The following TNKS2 variants were observed in gnomAD, a reference collection of about 807,000 sequenced individuals.
TNKS2 encodes poly [ADP-ribose] polymerase tankyrase-2.
Under a neutral mutation model 137.6 loss-of-function variants are expected in TNKS2, and 72 were observed. The observed-to-expected ratio is 0.52, with a 90% CI of 0.43 to 0.64. The LOEUF (loss-of-function observed/expected upper bound fraction) is 0.64, where lower values mean the gene tolerates loss of function less well. TNKS2 is among the 30% of genes least tolerant of loss of function. TNKS2 has a pLI of 0.00. For synonymous variants in TNKS2, 516 were observed against 512.1 expected, an observed-to-expected ratio of 1.01 and a Z score of -0.10; for missense variants, 1,049 against 1,410.2, an observed-to-expected ratio of 0.74 and a Z score of 4.10.
In TNKS2 at chr10:91,847,508, G is replaced by A. The variant is rs549361398; in HGVS notation, c.2359-875G>A. On this transcript the variant is annotated intron_variant, in intron 18 of 26. Coordinates refer to ENST00000371627, the MANE Select transcript of TNKS2 (RefSeq NM_025235.4). ...GCCTCCCGAGTAGCTGGAATTACAG[G>A]CATGCGCCACCACACCCAGCTAATA... Among the ~76,000 whole-genome samples, 425 of 152,194 alleles carry A rather than the reference G, an allele frequency of 2.8e-3. 2 individuals are homozygous for A. The highest frequency in any genetic ancestry group is 0.01 in the Middle Eastern group (3 of 294).
Position 91,862,128 on chromosome 10 carries a change from T to A in TNKS2, c.3411T>A (p.Ala1137=). Residue 1137 remains alanine, a synonymous_variant, in exon 26 of 27, where the codon GCT becomes GCA. Transcript: ENST00000371627. The part of the protein sequence containing the change: ...GRPSVNGLAL[A]EYVIYRGEQA... ...CCAGTGTAAATGGCCTAGCATTAGC[T>A]GAATATGTTATTTACAGAGGAGAAC... 1.2e-6 allele frequency: 2 copies of A among 1,609,358 alleles called. No homozygotes were observed. Among genetic ancestry groups the A allele is most frequent in the Non-Finnish European group, 1.7e-6 (2 of 1,177,882 alleles).
At chr10:91,844,809 T>C (rs986741329) in intron 16 of TNKS2, 110 bp from the exon 17 acceptor site, 4 of 625,050 alleles carry the variant, frequency 6.4e-6, no homozygotes, top group African/African-American at 5.5e-5. Context: ...TAAATACATA[T>C]ATATATGTAT....
chr10:91,827,418 A>G (rs1295980008), intron 8 of TNKS2, among the ~76,000 whole-genome samples: 5 of 152,150 alleles, frequency 3.3e-5, no homozygotes, highest in Admixed American at 1.3e-4. Flanking sequence ...AAGTCAAGTT[A>G]TATGCTTTTT....
At chr10:91,844,764 T>C (rs1233094621) in intron 16 of TNKS2, among the ~76,000 whole-genome samples, 155 bp from the exon 17 acceptor site, 2 of 152,002 alleles carry the variant, frequency 1.3e-5, no homozygotes, top group Non-Finnish European at 2.9e-5. Flanking sequence ...ATACAAAATC[T>C]CTTTTTTTAT....
At chr10:91,862,239 A>T in intron 26 of TNKS2, 84 bp downstream of exon 26, 1 of 1,128,618 alleles carries the variant, frequency 8.9e-7, no homozygotes, top group Non-Finnish European at 1.2e-6. Context: ...TTGACAAGAC[A>T]TATTGCCTTA....
intron 13 of TNKS2, 87 bp downstream of exon 13, chr10:91,837,085 G>A: frequency 7.4e-7 from 1 of 1,353,606 alleles, no homozygotes; most frequent in East Asian, 2.6e-5. Flanking sequence ...GAAGAGCCTG[G>A]TTTATTTGTA....
intron 16 of TNKS2, among the ~76,000 whole-genome samples, chr10:91,842,610 T>TA (rs745579771): frequency 5.9e-5 from 9 of 151,796 alleles, no homozygotes; most frequent in African/African-American, 9.7e-5. Flanking sequence ...CACACCTCTA[T>TA]AAAAAATTAC....
chr10:91,819,567 T>C lies in TNKS2; in HGVS notation c.633+10T>C. Reference sequence around the variant, plus strand: ...AAGTGATGGCAGAAAGGTACTTCCTTTTGCAACTGAGTTTGTGCTTATCTC... The same window carrying C: ...AAGTGATGGCAGAAAGGTACTTCCTCTTGCAACTGAGTTTGTGCTTATCTC... On this transcript the variant is annotated intron_variant, in intron 5 of 26. Transcript: ENST00000371627. 6.4e-7 allele frequency: 1 copy of C among 1,573,762 alleles called. No individual in the cohort carries two copies. The highest frequency in any genetic ancestry group is 8.6e-7 in the Non-Finnish European group (1 of 1,165,530).
At chr10:91,843,695 GT>G (rs1405348235) in intron 16 of TNKS2, among the ~76,000 whole-genome samples, 1 of 152,132 alleles carries the variant, frequency 6.6e-6, no homozygotes, top group African/African-American at 2.4e-5. Flanking sequence ...CCTCAGTGGA[GT>G]TCCATCATAG....
intron 10 of TNKS2, 39 bp downstream of exon 10, chr10:91,831,053 T>C (rs745373905): frequency 6.2e-7 from 1 of 1,612,868 alleles, no homozygotes; most frequent in Non-Finnish European, 8.5e-7. Flanking sequence ...ATTGAGATTT[T>C]ACTCTTTTGG....
rs533059015 is a variant in TNKS2 at position 91,836,325 on chromosome 10, G to T, written c.1448-594G>T. 1.4e-4 allele frequency among the ~76,000 whole-genome samples: 22 copies of T among 151,974 alleles called. 1 individual carries two copies. The South Asian group carries it at 4.1e-3, about 29-fold the overall frequency. ...CCCGTTTTCTTCTAGTATTTTTAGGGTTTAATTTTTCATACTTACATCTTT... is the reference window on the plus strand; with the variant it reads ...CCCGTTTTCTTCTAGTATTTTTAGGTTTTAATTTTTCATACTTACATCTTT... On this transcript the variant is annotated intron_variant, in intron 12 of 26. Coordinates refer to ENST00000371627, the MANE Select transcript of TNKS2 (RefSeq NM_025235.4).
At chr10:91,859,963 T>G (rs1031419008) in intron 25 of TNKS2, among the ~76,000 whole-genome samples, 17 of 152,196 alleles carry the variant, frequency 1.1e-4, no homozygotes, top group Admixed American at 7.9e-4. Flanking sequence ...ATTGTAGGAC[T>G]CTGTGGACTC....
At chr10:91,825,314 T>C (rs913222992) in intron 7 of TNKS2, among the ~76,000 whole-genome samples, 1 of 151,940 alleles carries the variant, frequency 6.6e-6, no homozygotes, top group African/African-American at 2.4e-5. Context: ...TGTTGCCCAG[T>C]TTGGTCTTGA....
chr10:91,858,463 T>C (rs1842769903), intron 24 of TNKS2, among the ~76,000 whole-genome samples: 1 of 152,236 alleles, frequency 6.6e-6, no homozygotes, highest in Non-Finnish European at 1.5e-5. Context: ...TCTGTATTTC[T>C]GTAAAGTAGA....
At chr10:91,836,870 A>G (rs1842037822) in intron 12 of TNKS2, 49 bp from the exon 13 acceptor site, 2 of 1,579,514 alleles carry the variant, frequency 1.3e-6, no homozygotes, top group East Asian at 2.3e-5. Context: ...GCTTGGTTCC[A>G]TCTTCCAAAT....
In TNKS2 at chr10:91,845,910, G is replaced by C. The variant is rs1424136040; in HGVS notation, c.2328G>C (p.Gln776His). 6.3e-7 allele frequency: 1 copy of C among 1,582,746 alleles called. No homozygotes were observed. The highest frequency in any genetic ancestry group is 8.6e-7 in the Non-Finnish European group (1 of 1,157,594). ...AHGADPTLKN[Q>H]EGQTPLDLVS... ...GAGCTGACCCGACTCTTAAAAATCA[G>C]GAAGGACAAACACCTTTAGATTTAG... Residue 776 changes from glutamine (Q) to histidine (H), a missense_variant, in exon 18 of 27, where the codon CAG becomes CAC. This residue lies in a region of TNKS2 where 208 missense variants were observed against 231.2 expected (regional missense o/e 0.90). Coordinates refer to ENST00000371627, the MANE Select transcript of TNKS2 (RefSeq NM_025235.4).
intron 12 of TNKS2, among the ~76,000 whole-genome samples, chr10:91,836,231 CT>C (rs918293507): frequency 2.6e-5 from 4 of 151,398 alleles, no homozygotes; most frequent in African/African-American, 9.7e-5. Context: ...TGCCAATTTT[CT>C]TTTTTTGATG....
chr10:91,846,526 C>G (rs895740537), intron 18 of TNKS2, among the ~76,000 whole-genome samples: 1 of 152,190 alleles, frequency 6.6e-6, no homozygotes, highest in South Asian at 2.1e-4. Flanking sequence ...AACCTTCCAC[C>G]TCTGCTTTGG....
intron 5 of TNKS2, 47 bp downstream of exon 5, chr10:91,819,604 A>G: frequency 1.5e-6 from 2 of 1,343,796 alleles, no homozygotes; most frequent in Non-Finnish European, 2.1e-6. Context: ...TGGTAACATG[A>G]AGATAAAGAT....
Sources: gnomAD v4.1 joint callset for allele counts (sites outside exome capture counted in the v4.1 genomes callset) on GRCh38, gnomAD v4.1.1 for gene constraint, gnomAD v4.1.1 regional missense constraint, MANE v1.5 for transcripts, NCBI Gene and HGNC (gene_info 2026-07-23, HGNC 2026-07-21) for gene names.